The following SOX5 variants were observed in gnomAD, a reference collection of about 807,000 sequenced individuals.
The protein encoded by SOX5 is SRY-box transcription factor 5.
In SOX5, 9 loss-of-function variants were observed where a neutral mutation model predicts 92.0. That is an observed-to-expected ratio of 0.10 (90% confidence interval 0.06 to 0.17). The LOEUF (loss-of-function observed/expected upper bound fraction) is 0.17. Among genes scored for constraint, SOX5 ranks in the 10% least tolerant of loss-of-function variants. The pLI is 1.00. For synonymous variants in SOX5, 344 were observed against 336.3 expected (o/e 1.02, Z -0.25); for missense variants, 642 against 944.5 (o/e 0.68, Z 4.20).
chr12:23,901,318 C>G (rs1235188689), intron 1 of SOX5, among the ~76,000 whole-genome samples: 1 of 152,126 alleles, frequency 6.6e-6, no homozygotes, highest in African/African-American at 2.4e-5. Context: ...AAATGTGGAC[C>G]TGACAACACC....
chr12:24,473,278 G>T (rs1367250805), intron 1 of SOX5, among the ~76,000 whole-genome samples: 1 of 152,112 alleles, frequency 6.6e-6, no homozygotes, highest in Non-Finnish European at 1.5e-5. Flanking sequence ...GCTCTCATAT[G>T]TAGTGTTTGC....
At chr12:24,066,153 A>G (rs1248518862) in intron 4 of SOX5, among the ~76,000 whole-genome samples, 1 of 152,230 alleles carries the variant, frequency 6.6e-6, no homozygotes, top group Non-Finnish European at 1.5e-5. Flanking sequence ...TGAACCAACT[A>G]TATATAAATT....
At chr12:23,910,039 C>T (rs1331935690) in intron 1 of SOX5, among the ~76,000 whole-genome samples, 1 of 152,078 alleles carries the variant, frequency 6.6e-6, no homozygotes. Context: ...ACACCATCCA[C>T]ACACAGTTCC....
intron 4 of SOX5, among the ~76,000 whole-genome samples, chr12:24,154,344 T>G (rs961971475): frequency 6.6e-6 from 1 of 152,136 alleles, no homozygotes; most frequent in Non-Finnish European, 1.5e-5. Context: ...TTACTGACTA[T>G]TATGAAGTTT....
At chr12:23,658,528 T>A (rs1268206096) in intron 7 of SOX5, among the ~76,000 whole-genome samples, 1 of 152,138 alleles carries the variant, frequency 6.6e-6, no homozygotes, top group African/African-American at 2.4e-5. Context: ...TCTCCCAAAG[T>A]CATCGGTTTA....
intron 2 of SOX5, among the ~76,000 whole-genome samples, chr12:24,298,635 C>T (rs1947571250): frequency 6.6e-6 from 1 of 151,832 alleles, no homozygotes; most frequent in African/African-American, 2.4e-5. Context: ...CTATGTGTCA[C>T]CTATTATTTC....
At chr12:24,012,129 GA>G (rs11419407) in intron 4 of SOX5, among the ~76,000 whole-genome samples, 3 of 151,758 alleles carry the variant, frequency 2.0e-5, no homozygotes, top group Admixed American at 6.6e-5. Context: ...GACTTCAGCA[GA>G]AAAAAAACAG....
intron 6 of SOX5, among the ~76,000 whole-genome samples, chr12:23,698,124 C>T (rs912555881): frequency 6.6e-6 from 1 of 152,044 alleles, no homozygotes; most frequent in African/African-American, 2.4e-5. Flanking sequence ...CATGTAGAGT[C>T]TAAGAAGAAC....
chr12:24,104,648 C>T (rs1280866571), intron 4 of SOX5, among the ~76,000 whole-genome samples: 1 of 152,080 alleles, frequency 6.6e-6, no homozygotes, highest in East Asian at 1.9e-4. Context: ...ATTCTGCTTT[C>T]CCATCAGTAC....
chr12:23,836,493 A>C (rs2096416022), intron 3 of SOX5, among the ~76,000 whole-genome samples: 1 of 152,044 alleles, frequency 6.6e-6, no homozygotes, highest in Non-Finnish European at 1.5e-5. Flanking sequence ...TAGGCTGGCT[A>C]AAATGAAAGA....
intron 4 of SOX5, among the ~76,000 whole-genome samples, chr12:24,203,240 G>C (rs963350496): frequency 2.6e-5 from 4 of 152,136 alleles, no homozygotes; most frequent in Non-Finnish European, 4.4e-5. Flanking sequence ...CTTCAGGGTG[G>C]ATCCTGCGTT....
At chr12:24,148,709 A>G (rs1278515041) in intron 4 of SOX5, among the ~76,000 whole-genome samples, 20,436 of 111,436 alleles carry the variant, frequency 0.18, 1,638 homozygotes, top group Non-Finnish European at 0.3. Flanking sequence ...AAAAAAAAAA[A>G]AAAAAAAGAA....
chr12:24,242,492 T>C (rs1180127497), intron 3 of SOX5, among the ~76,000 whole-genome samples: 1 of 152,114 alleles, frequency 6.6e-6, no homozygotes, highest in Admixed American at 6.5e-5. Flanking sequence ...AGATAAGAAA[T>C]AGACTAATAT....
Position 24,416,974 on chromosome 12 carries a change from G to A in SOX5, c.-250-48335C>T, listed in dbSNP as rs978563447. Among the ~76,000 whole-genome samples the A allele has an allele frequency of 5.3e-5, 8 of 152,088 alleles. No homozygotes were observed. The South Asian group carries it at 6.2e-4, about 12-fold the overall frequency. The stretch of plus-strand genomic sequence containing the variant: ...GTGGAGTTGGCCTGTGTTTCCTCCC[G>A]CTGCATCGTAGGGGTGACTGCTCAG... On this transcript the variant is annotated intron_variant, in intron 1 of 4. Transcript: ENST00000446891.
intron 4 of SOX5, among the ~76,000 whole-genome samples, chr12:24,136,844 T>C (rs140675065): frequency 6.6e-6 from 1 of 152,376 alleles, no homozygotes; most frequent in East Asian, 1.9e-4. Flanking sequence ...TAAATATGTA[T>C]GCTATCTGTT....
At chr12:24,109,273 A>G (rs1418712630) in intron 4 of SOX5, among the ~76,000 whole-genome samples, 1 of 152,164 alleles carries the variant, frequency 6.6e-6, no homozygotes, top group African/African-American at 2.4e-5. Context: ...ATCAGGTTAC[A>G]TAGACTACTT....
intron 2 of SOX5, among the ~76,000 whole-genome samples, chr12:23,871,152 A>T (rs2096868593): frequency 6.6e-6 from 1 of 152,176 alleles, no homozygotes; most frequent in South Asian, 2.1e-4. Context: ...TGTGCAGCTC[A>T]CATATTAAAC....
intron 2 of SOX5, among the ~76,000 whole-genome samples, chr12:24,310,107 T>C (rs1023077855): frequency 6.6e-6 from 1 of 152,218 alleles, no homozygotes. Context: ...AGGCCACTTA[T>C]ATTGCTAAAA....
At chr12:23,553,127 C>G (rs1944519921) in intron 11 of SOX5, among the ~76,000 whole-genome samples, 1 of 151,942 alleles carries the variant, frequency 6.6e-6, no homozygotes, top group Non-Finnish European at 1.5e-5. Context: ...AGTTTCAACA[C>G]TTAAAGCTAT....
Sources: gnomAD v4.1 joint callset for allele counts (sites outside exome capture counted in the v4.1 genomes callset) on GRCh38, gnomAD v4.1.1 for gene constraint, MANE v1.5 for transcripts, NCBI Gene and HGNC (gene_info 2026-07-23, HGNC 2026-07-21) for gene names.